The following NRG1 variants were observed in gnomAD, a reference collection of about 807,000 sequenced individuals.
NRG1 encodes neuregulin 1.
A neutral mutation model predicts 63.8 loss-of-function variants in NRG1; 18 were observed. The observed-to-expected ratio is 0.28, with a 90% CI of 0.19 to 0.42. The LOEUF (loss-of-function observed/expected upper bound fraction) is 0.42, where lower values mean the gene tolerates loss of function less well. NRG1 is among the 10% of genes least tolerant of loss of function. The pLI is 1.00. For synonymous variants in NRG1, 302 were observed against 301.3 expected, an observed-to-expected ratio of 1.00 and a Z score of -0.02; for missense variants, 762 against 814.7, an observed-to-expected ratio of 0.94 and a Z score of 0.79.
intron 1 of NRG1, among the ~76,000 whole-genome samples, chr8:32,175,915 A>G (rs1192869658): frequency 6.6e-6 from 1 of 152,188 alleles, no homozygotes; most frequent in African/African-American, 2.4e-5. Flanking sequence ...GCCAAAGGTA[A>G]TTTATAGATT....
chr8:32,564,968 G>A (rs1462799081), intron 1 of NRG1, among the ~76,000 whole-genome samples: 2 of 152,166 alleles, frequency 1.3e-5, no homozygotes, highest in South Asian at 2.1e-4. Flanking sequence ...TACTTGGGAG[G>A]CTGAGGTGGG....
rs189465705 is a variant in NRG1 at position 31,818,121 on chromosome 8, G to A, written c.37+178690G>A. ...TATCAAGCCTCTAAAAAAAAAGAAA[G>A]TAATCAAAAGATAAGGATGCATAAA... is the stretch of plus-strand genomic sequence containing the variant. On this transcript the variant is annotated intron_variant, in intron 1 of 10. Transcript: ENST00000519301. 2.2e-4 allele frequency among the ~76,000 whole-genome samples: 33 copies of A among 152,184 alleles called. No individual in the cohort carries two copies. In the East Asian group the frequency reaches 5.8e-3, roughly 27 times the overall value.
intron 2 of NRG1, among the ~76,000 whole-genome samples, chr8:32,605,007 G>A (rs901091148): frequency 3.9e-5 from 6 of 152,044 alleles, no homozygotes; most frequent in African/African-American, 1.4e-4. Context: ...AGAATCTTAA[G>A]GAAAGAAAAA....
At chr8:32,139,625 T>C (rs73232228) in intron 1 of NRG1, 1 of 152,308 alleles carries the variant, frequency 6.6e-6, no homozygotes, top group East Asian at 1.9e-4. Context: ...TTTTAAGAAG[T>C]ATACACACGT....
chr8:32,609,556 T>C (rs144487189), intron 3 of NRG1, among the ~76,000 whole-genome samples: 1,070 of 13,328 alleles, frequency 0.08, 45 homozygotes, highest in African/African-American at 0.25. Flanking sequence ...CCCTCCCTCC[T>C]TCCTTCCTTC....
chr8:32,746,209 C>T (rs1236909130), intron 7 of NRG1, among the ~76,000 whole-genome samples: 1 of 151,964 alleles, frequency 6.6e-6, no homozygotes, highest in Non-Finnish European at 1.5e-5. Context: ...CCCAGTGACA[C>T]TACGGATTGG....
chr8:32,611,433 A>G (rs10101580), intron 3 of NRG1, among the ~76,000 whole-genome samples: 53,661 of 151,982 alleles, frequency 0.35, 10,134 homozygotes, highest in Middle Eastern at 0.45. Flanking sequence ...CATGTAAAAT[A>G]TGTTTTATAA....
chr8:31,787,063 C>T (rs1445529624), intron 1 of NRG1, among the ~76,000 whole-genome samples: 5 of 152,166 alleles, frequency 3.3e-5, no homozygotes, highest in Admixed American at 3.3e-4. Flanking sequence ...CAGCAGTCAA[C>T]TCATTGGCAT....
At position 31,927,642 on chromosome 8, in the gene NRG1, G is replaced by A. The variant is rs1277760412; in HGVS notation, c.37+288211G>A. Among the ~76,000 whole-genome samples, 130 of 148,600 alleles carry A rather than the reference G, an allele frequency of 8.7e-4. 1 individual carries two copies. Among genetic ancestry groups the A allele is most frequent in the Non-Finnish European group, 1.5e-3 (101 of 67,006 alleles). Reference sequence around the variant, plus strand: ...TTTTTGTATTTTTAGTAGAGACGGGGTTTCACCGTTTTAGCCGGGATGGTC... The same window carrying A: ...TTTTTGTATTTTTAGTAGAGACGGGATTTCACCGTTTTAGCCGGGATGGTC... On this transcript the variant is annotated intron_variant, in intron 1 of 10. Transcript: ENST00000519301.
At chr8:32,575,849 A>G (rs1231419721) in intron 1 of NRG1, among the ~76,000 whole-genome samples, 1 of 152,234 alleles carries the variant, frequency 6.6e-6, no homozygotes, top group Non-Finnish European at 1.5e-5. Flanking sequence ...CTAGTCTTAT[A>G]GAAAGCACAA....
intron 5 of NRG1, chr8:32,647,969 C>T (rs748556079): frequency 1.2e-6 from 2 of 1,614,154 alleles, no homozygotes; most frequent in South Asian, 2.2e-5. Context: ...TCCTGGCTTG[C>T]CTGGTCAGCC....
intron 1 of NRG1, among the ~76,000 whole-genome samples, chr8:32,439,762 G>A (rs996861308): frequency 1.5e-5 from 2 of 135,904 alleles, no homozygotes; most frequent in East Asian, 2.4e-4. Context: ...CTAAAAAATC[G>A]AATAAGTGAT....
intron 1 of NRG1, among the ~76,000 whole-genome samples, chr8:32,541,869 A>C (rs1832611828): frequency 6.6e-6 from 1 of 152,222 alleles, no homozygotes; most frequent in Non-Finnish European, 1.5e-5. Context: ...CGAAACTCAA[A>C]GATAGTTCTA....
chr8:32,148,462 G>A (rs1485835811), intron 1 of NRG1, among the ~76,000 whole-genome samples: 1 of 152,240 alleles, frequency 6.6e-6, no homozygotes, highest in African/African-American at 2.4e-5. Context: ...GCAGTGGCGC[G>A]ATCTCGGCTC....
intron 1 of NRG1, among the ~76,000 whole-genome samples, chr8:31,916,133 G>T (rs528429124): frequency 1.3e-5 from 2 of 152,140 alleles, no homozygotes; most frequent in Admixed American, 1.3e-4. Flanking sequence ...GAACAGTTTG[G>T]CTACATTATC....
At chr8:32,497,446 CAAA>C (rs34243536) in intron 1 of NRG1, among the ~76,000 whole-genome samples, 29 of 119,514 alleles carry the variant, frequency 2.4e-4, no homozygotes, top group Middle Eastern at 4.4e-3. Flanking sequence ...GATTTTGTAT[CAAA>C]AAAAAAAAAA....
At chr8:32,187,536 A>C (rs371713884) in intron 1 of NRG1, among the ~76,000 whole-genome samples, 3 of 152,206 alleles carry the variant, frequency 2.0e-5, no homozygotes, top group Non-Finnish European at 2.9e-5. Context: ...ATCACCCTCC[A>C]TAAGTCTCAC....
At chr8:32,308,977 GT>G (rs758476212) in intron 1 of NRG1, among the ~76,000 whole-genome samples, 4 of 152,138 alleles carry the variant, frequency 2.6e-5, no homozygotes, top group Non-Finnish European at 5.9e-5. Flanking sequence ...GGGCCTCCCA[GT>G]TTTCAATTTT....
chr8:31,859,064 G>A (rs986400131), intron 1 of NRG1, among the ~76,000 whole-genome samples: 4 of 151,998 alleles, frequency 2.6e-5, no homozygotes, highest in African/African-American at 9.7e-5. Context: ...TGATTGTAAC[G>A]GTTCTTATTT....
Sources: gnomAD v4.1 joint callset for allele counts (sites outside exome capture counted in the v4.1 genomes callset) on GRCh38, gnomAD v4.1.1 for gene constraint, MANE v1.5 for transcripts, NCBI Gene and HGNC (gene_info 2026-07-23, HGNC 2026-07-21) for gene names.